Variants in SNRK observed in about 807,000 individuals in gnomAD.
SNRK encodes SNF-related serine/threonine-protein kinase.
SNRK carries 3 observed loss-of-function variants against 48.2 expected under a neutral mutation model. The ratio of observed to expected loss-of-function variants is 0.06; its 90% CI spans 0.03 to 0.16. The LOEUF (loss-of-function observed/expected upper bound fraction) is 0.16, where lower values mean the gene tolerates loss of function less well. SNRK is among the 10% of genes least tolerant of loss of function. The pLI is 1.00. For missense variants in SNRK, 627 were observed against 976.0 expected (o/e 0.64, Z 4.76); for synonymous variants, 376 against 366.1 (o/e 1.03, Z -0.31).
At chr3:43,346,746 A>G (rs2091279376) in intron 6 of SNRK, among the ~76,000 whole-genome samples, 1 of 152,214 alleles carries the variant, frequency 6.6e-6, no homozygotes, top group South Asian at 2.1e-4. Context: ...CCCTGTCTCA[A>G]AAGCCAGATA....
At chr3:43,334,982 C>CTT (rs57592269) in intron 4 of SNRK, among the ~76,000 whole-genome samples, 4 of 151,732 alleles carry the variant, frequency 2.6e-5, no homozygotes, top group Admixed American at 6.6e-5. Context: ...TGTGCCTTAT[C>CTT]TTTTTTTTGT....
intron 5 of SNRK, among the ~76,000 whole-genome samples, chr3:43,342,080 ATC>A (rs2091242151): frequency 6.6e-6 from 1 of 152,212 alleles, no homozygotes; most frequent in African/African-American, 2.4e-5. Flanking sequence ...GGCTGTTTGT[ATC>A]TCTCTGAATT....
At chr3:43,342,450 G>T (rs2091244558) in intron 5 of SNRK, among the ~76,000 whole-genome samples, 1 of 152,122 alleles carries the variant, frequency 6.6e-6, no homozygotes, top group Admixed American at 6.6e-5. Flanking sequence ...TTTCACCTTG[G>T]ATACTTCCTT....
chr3:43,343,293 A>G, intron 5 of SNRK, 51 bp from the exon 6 acceptor site: 1 of 1,524,320 alleles, frequency 6.6e-7, no homozygotes, highest in Non-Finnish European at 8.8e-7. Flanking sequence ...TGCTTCTTGT[A>G]AAAAAACCTC....
intron 4 of SNRK, among the ~76,000 whole-genome samples, chr3:43,340,014 T>C (rs1575559379): frequency 1.3e-5 from 2 of 151,716 alleles, no homozygotes; most frequent in East Asian, 1.9e-4. Flanking sequence ...CAGCAGTTAA[T>C]TCAAGAACAG....
At position 43,348,624 on chromosome 3, in the gene SNRK, T is replaced by C; in HGVS notation, c.*67T>C. On this transcript the variant is annotated 3_prime_UTR_variant, in exon 7 of 7. Coordinates refer to ENST00000296088, the MANE Select transcript of SNRK (RefSeq NM_017719.5). ...CAGTGAAGACCGGCTCACTTCACTG[T>C]TCCATTTGGTTTTACTATTTTAAAG... The C allele has an allele frequency of 7.1e-7, 1 of 1,413,850 alleles. No homozygotes were observed. Among genetic ancestry groups the C allele is most frequent in the Non-Finnish European group, 9.2e-7 (1 of 1,084,582 alleles). The allele number at this position is 1,413,850 out of a possible 1,614,324, so 87.6% of individuals were successfully genotyped here. A position where few individuals can be genotyped will look rare whatever the true frequency, so the allele number is the denominator to read the frequency against.
intron 3 of SNRK, among the ~76,000 whole-genome samples, chr3:43,323,935 G>A (rs1157974340): frequency 6.6e-6 from 1 of 152,186 alleles, no homozygotes; most frequent in East Asian, 1.9e-4. Flanking sequence ...TTGGGGAAGG[G>A]ATGACTACAC....
In SNRK at chr3:43,286,543, T is replaced by C. The variant is rs1472445419; in HGVS notation, c.-301T>C. 1.3e-5 allele frequency: 2 copies of C among 151,258 alleles called. No individual in the cohort carries two copies. The highest frequency in any genetic ancestry group is 3.9e-4 in the East Asian group (2 of 5,118). The allele number at this position is 151,258 out of a possible 1,614,324, so 9.4% of individuals were successfully genotyped here. A position where few individuals can be genotyped will look rare whatever the true frequency, so the allele number is the denominator to read the frequency against. ...GACGCGCAGCCCGCGCAGGCGCAGCTACCCGGCACCCCCTCCCCGCGGCCG... is the reference window on the plus strand; with the variant it reads ...GACGCGCAGCCCGCGCAGGCGCAGCCACCCGGCACCCCCTCCCCGCGGCCG... On this transcript the variant is annotated 5_prime_UTR_variant, in exon 1 of 7. Coordinates refer to ENST00000296088, the MANE Select transcript of SNRK (RefSeq NM_017719.5).
rs1390658892 is a variant in SNRK, at chr3:43,350,156, A to G, written c.*1599A>G. 6.6e-6 allele frequency: 1 copy of G among 152,664 alleles called. No homozygotes were observed. The highest frequency in any genetic ancestry group is 1.9e-4 in the East Asian group (1 of 5,204). The allele number at this position is 152,664 out of a possible 1,614,324, so 9.5% of individuals were successfully genotyped here. Reference sequence around the variant, plus strand: ...ACTTAAAATACTTATTTTACTTTCTAGACCTAGGCTAGATGTTTTAAGCTA... The same window carrying G: ...ACTTAAAATACTTATTTTACTTTCTGGACCTAGGCTAGATGTTTTAAGCTA... On this transcript the variant is annotated 3_prime_UTR_variant, in exon 7 of 7. Transcript: ENST00000296088.
intron 1 of SNRK, among the ~76,000 whole-genome samples, chr3:43,296,333 T>C (rs1016188321): frequency 6.6e-6 from 1 of 150,584 alleles, no homozygotes; most frequent in Non-Finnish European, 1.5e-5. Context: ...ATAATTTATA[T>C]GTATGAGAAG....
chr3:43,340,071 G>A (rs2091223935), intron 4 of SNRK, among the ~76,000 whole-genome samples: 1 of 151,520 alleles, frequency 6.6e-6, no homozygotes, highest in African/African-American at 2.4e-5. Context: ...GCTCTTATTT[G>A]TGCATTTGGC....
rs1182432653 is a variant in SNRK, at chr3:43,309,453, A to G, written c.589+5661A>G. Among the ~76,000 whole-genome samples, 3 of 152,250 alleles carry G rather than the reference A, an allele frequency of 2.0e-5. No homozygotes were observed. The East Asian group carries it at 5.8e-4, about 29-fold the overall frequency. On this transcript the variant is annotated intron_variant, in intron 3 of 6. Transcript: ENST00000296088. ...AAAGGAAGAATCAAATGATGCAGCAAACTTCATTCTTGTCTTATTTTAAGA... is the reference window on the plus strand; with the variant it reads ...AAAGGAAGAATCAAATGATGCAGCAGACTTCATTCTTGTCTTATTTTAAGA...
rs112632886 is a variant in SNRK, at chr3:43,329,732, C to A, written c.590-2437C>A. On this transcript the variant is annotated intron_variant, in intron 3 of 6. Coordinates refer to ENST00000296088, the MANE Select transcript of SNRK (RefSeq NM_017719.5). ...TTTTCTTCTTTTTTATTATTCTAAT[C>A]ATGTATCACATCATAACAAGCCGAG... Among the ~76,000 whole-genome samples the A allele has an allele frequency of 7.3e-3, 1,105 of 152,138 alleles. 9 individuals carry two copies. The highest frequency in any genetic ancestry group is 0.024 in the African/African-American group (1,016 of 41,502).
In SNRK at chr3:43,331,849, A is replaced by G. The variant is rs367739126; in HGVS notation, c.590-320A>G. ...TTTCTGGTATATATTCTAATGGGAAAAATAGCAGTGTGTTGTCTGTTGGCT... is the reference window on the plus strand; with the variant it reads ...TTTCTGGTATATATTCTAATGGGAAGAATAGCAGTGTGTTGTCTGTTGGCT... On this transcript the variant is annotated intron_variant, in intron 3 of 6. Transcript: ENST00000296088. Among the ~76,000 whole-genome samples, 22 of 152,298 alleles carry G rather than the reference A, an allele frequency of 1.4e-4. No homozygotes were observed. In the East Asian group the frequency reaches 4.1e-3, roughly 28 times the overall value.
chr3:43,348,110 C>T lies in SNRK; in HGVS notation c.1851C>T (p.Thr617=), dbSNP rs762793888. 8.4e-5 allele frequency: 133 copies of T among 1,588,068 alleles called. No individual in the cohort carries two copies. The highest frequency in any genetic ancestry group is 1.1e-4 in the Non-Finnish European group (129 of 1,167,432). ...CCAGCGGCTCGGGTGGCAACCCCAC[C>T]AATACATCGGGTACCACACGCCGCT... ...SPSSGSGGNP[T]NTSGTTRRCA... The change falls in exon 7 of 7, where the codon ACC becomes ACT. Residue 617 remains threonine, a synonymous_variant. Coordinates refer to ENST00000296088, the MANE Select transcript of SNRK (RefSeq NM_017719.5).
intron 3 of SNRK, among the ~76,000 whole-genome samples, chr3:43,311,726 T>C (rs746984480): frequency 1.3e-5 from 2 of 152,146 alleles, no homozygotes; most frequent in Non-Finnish European, 2.9e-5. Context: ...GTAATGTCTT[T>C]GCTCTGAGTG....
At position 43,348,692 on chromosome 3, in the gene SNRK, C is replaced by A; in HGVS notation, c.*135C>A. The A allele has an allele frequency of 3.1e-6, 3 of 953,946 alleles. No individual in the cohort carries two copies. The highest frequency in any genetic ancestry group is 2.8e-5 in the South Asian group (1 of 36,196). The allele number at this position is 953,946 out of a possible 1,614,324, so 59.1% of individuals were successfully genotyped here. ...TATTTATTACCTTTCCATTTGTTCG[C>A]CTGATGATGTGACAATGCATGGTCT... On this transcript the variant is annotated 3_prime_UTR_variant, in exon 7 of 7. Coordinates refer to ENST00000296088, the MANE Select transcript of SNRK (RefSeq NM_017719.5).
intron 3 of SNRK, among the ~76,000 whole-genome samples, chr3:43,310,416 A>G (rs897760085): frequency 2.0e-5 from 3 of 152,062 alleles, no homozygotes; most frequent in African/African-American, 7.2e-5. Context: ...CCTACAAATA[A>G]GAATCCGTTT....
Position 43,347,488 on chromosome 3 carries a change from C to T in SNRK, c.1229C>T (p.Ser410Leu). ...NGHRSKGLCD[S>L]AKKDDLPELA... is the part of the protein sequence containing the mutation. ...CACAGGAGCAAAGGCCTGTGTGACTCAGCTAAGAAAGATGACCTCCCTGAG... is the reference window on the plus strand; with the variant it reads ...CACAGGAGCAAAGGCCTGTGTGACTTAGCTAAGAAAGATGACCTCCCTGAG... Residue 410 changes from serine (S) to leucine (L), a missense_variant, in exon 7 of 7, where the codon TCA (serine) becomes TTA (leucine). Coordinates refer to ENST00000296088, the MANE Select transcript of SNRK (RefSeq NM_017719.5). The surrounding 1 kb of genome is among the most constrained non-coding windows in gnomAD (Gnocchi z 5.4). 2 of 1,613,852 alleles carry T rather than the reference C, an allele frequency of 1.2e-6. No homozygotes were observed. Among genetic ancestry groups the T allele is most frequent in the Non-Finnish European group, 1.7e-6 (2 of 1,179,916 alleles).
Sources: allele counts gnomAD v4.1 joint callset (sites outside exome capture counted in the v4.1 genomes callset), GRCh38; gene constraint gnomAD v4.1.1; non-coding constraint Gnocchi (gnomAD v3.1); transcripts MANE v1.5; gene names NCBI Gene and HGNC (gene_info 2026-07-23, HGNC 2026-07-21).